MAK: variants seen among roughly 807,000 people sequenced by gnomAD.
The protein encoded by MAK is male germ cell associated kinase, also known as serine/threonine-protein kinase MAK.
A neutral mutation model predicts 82.6 loss-of-function variants in MAK; 65 were observed. That is an observed-to-expected ratio of 0.79 (90% CI 0.64 to 0.97). The LOEUF (loss-of-function observed/expected upper bound fraction) is 0.97, where lower values mean the gene tolerates loss of function less well. MAK is among the 50% of genes least tolerant of loss of function. MAK has a pLI of 0.00. For synonymous variants in MAK, 250 were observed against 274.2 expected, an observed-to-expected ratio of 0.91 and a Z score of 0.87; for missense variants, 703 against 780.2, an observed-to-expected ratio of 0.90 and a Z score of 1.18.
chr6:10,781,156 C>T (rs953448376), intron 11 of MAK, among the ~76,000 whole-genome samples: 3 of 152,170 alleles, frequency 2.0e-5, no homozygotes, highest in African/African-American at 7.2e-5. Context: ...CTCCTCTTCA[C>T]AGCCATCTAA....
At chr6:10,808,737 T>C (rs1466168996) in intron 6 of MAK, 73 bp downstream of exon 6, 1 of 1,400,648 alleles carries the variant, frequency 7.1e-7, no homozygotes, top group East Asian at 2.3e-5. Context: ...CTTCCAGAAA[T>C]ATGTAACAAT....
At position 10,796,163 on chromosome 6, in the gene MAK, A is replaced by C; in HGVS notation, c.978T>G (p.Asp326Glu). ...LVEVEPKPLP[D>E]IIDQVVGQPQ... ...GTTGTCCAACAACCTGATCGATTAT[A>C]TCCGGCAGAGGCTTAGGCTCTACCT... Residue 326 changes from aspartate (D) to glutamate (E), a missense_variant, in exon 9 of 15, where the codon GAT (aspartate) becomes GAG (glutamate). Coordinates refer to ENST00000354489, the MANE Select transcript of MAK (RefSeq NM_001242957.3). 1 of 1,614,174 alleles carries C rather than the reference A, an allele frequency of 6.2e-7. No homozygotes were observed. Among genetic ancestry groups the C allele is most frequent in the Non-Finnish European group, 8.5e-7 (1 of 1,180,036 alleles).
intron 2 of MAK, among the ~76,000 whole-genome samples, chr6:10,824,647 C>G (rs1581763598): frequency 6.6e-6 from 1 of 152,034 alleles, no homozygotes; most frequent in African/African-American, 2.4e-5. Flanking sequence ...AAAATGCTCC[C>G]AGCGGCTCCA....
intron 1 of MAK, among the ~76,000 whole-genome samples, chr6:10,833,339 T>C (rs1278329628): frequency 6.6e-6 from 1 of 152,172 alleles, no homozygotes; most frequent in Non-Finnish European, 1.5e-5. Context: ...GCGCCCTGGC[T>C]CATCCCTGTA....
chr6:10,792,066 G>A (rs1303364535), intron 9 of MAK, among the ~76,000 whole-genome samples: 1 of 152,188 alleles, frequency 6.6e-6, no homozygotes, highest in Non-Finnish European at 1.5e-5. Context: ...CTGTGAACTA[G>A]GTTGGTGAGA....
At chr6:10,802,693 G>T (rs1776113552) in intron 7 of MAK, among the ~76,000 whole-genome samples, 1 of 152,130 alleles carries the variant, frequency 6.6e-6, no homozygotes, top group Admixed American at 6.6e-5. Flanking sequence ...GAACAAATAA[G>T]GAAAAGTGCT....
chr6:10,790,353 G>A (rs571280384), intron 10 of MAK, among the ~76,000 whole-genome samples: 1 of 152,106 alleles, frequency 6.6e-6, no homozygotes, highest in East Asian at 1.9e-4. Context: ...ATAGCTACTT[G>A]TATAAGTTTT....
intron 12 of MAK, 59 bp downstream of exon 12, chr6:10,775,269 A>T: frequency 1.3e-6 from 2 of 1,588,892 alleles, no homozygotes; most frequent in Non-Finnish European, 1.7e-6. Flanking sequence ...CAATATATTT[A>T]AAAGTAGACC....
At chr6:10,808,067 C>G (rs1287607215) in intron 6 of MAK, among the ~76,000 whole-genome samples, 2 of 147,378 alleles carry the variant, frequency 1.4e-5, no homozygotes, top group Non-Finnish European at 3.0e-5. Context: ...AACTCCATCT[C>G]AAAAAAAAAA....
At chr6:10,770,969 G>A (rs767311778) in intron 13 of MAK, among the ~76,000 whole-genome samples, 1 of 152,110 alleles carries the variant, frequency 6.6e-6, no homozygotes, top group African/African-American at 2.4e-5. Context: ...TAGGGAAAGA[G>A]GGAAATATAA....
Position 10,800,100 on chromosome 6 carries a change from C to T in MAK, c.831+1792G>A, listed in dbSNP as rs1775897883. 6.6e-6 allele frequency among the ~76,000 whole-genome samples: 1 copy of T among 151,070 alleles called. No individual in the cohort carries two copies. Among genetic ancestry groups the T allele is most frequent in the South Asian group, 2.1e-4 (1 of 4,774 alleles). On this transcript the variant is annotated intron_variant, in intron 8 of 14. Transcript: ENST00000354489. The surrounding 1 kb of genome is among the most constrained non-coding windows in gnomAD (Gnocchi z 4.2). Reference sequence around the variant, plus strand: ...CTAAACAAAAAAACCCCTCTGGTCTCTACAAAAATACAAAAATAAGCCAAG... The same window carrying T: ...CTAAACAAAAAAACCCCTCTGGTCTTTACAAAAATACAAAAATAAGCCAAG...
rs755195964 is a variant in MAK at position 10,791,828 on chromosome 6, C to G, written c.1163G>C (p.Ser388Thr). 1.9e-6 allele frequency: 3 copies of G among 1,614,046 alleles called. No homozygotes were observed. The African/African-American group carries it at 4.0e-5, about 22-fold the overall frequency. The part of the protein sequence containing the change: ...NMPTKPNGTL[S>T]HKSGRRRWGQ... ...CCAACGCCTCCTACCACTTTTATGA[C>G]TCAGTGTGCCATTTGGCTTCTGTGG... The change falls in exon 10 of 15, where the codon AGT becomes ACT. Residue 388 changes from serine to threonine, a missense_variant. Transcript: ENST00000354489.
intron 10 of MAK, among the ~76,000 whole-genome samples, chr6:10,787,649 G>A (rs1774692962): frequency 1.3e-5 from 2 of 152,004 alleles, no homozygotes; most frequent in Non-Finnish European, 2.9e-5. Context: ...ACGAGGTCGG[G>A]AGATCGAGAC....
In MAK at chr6:10,808,905, A is replaced by T. The variant is rs747959498; in HGVS notation, c.396T>A (p.Leu132=). 6.2e-7 allele frequency: 1 copy of T among 1,613,976 alleles called. No homozygotes were observed. Among genetic ancestry groups the T allele is most frequent in the Non-Finnish European group, 8.5e-7 (1 of 1,179,876 alleles). Residue 132 remains leucine, a synonymous_variant, in exon 6 of 15, where the codon CTT becomes CTA. Coordinates refer to ENST00000354489, the MANE Select transcript of MAK (RefSeq NM_001242957.3). ...TTTTCACAAGCTCTGGACCCATACA[A>T]AGCAAGTTTTCTGGTTTCATGTCCC... ...FHRDMKPENL[L]CMGPELVKIA...
intron 2 of MAK, 33 bp from the exon 3 acceptor site, chr6:10,818,973 G>C: frequency 8.2e-7 from 1 of 1,218,518 alleles, no homozygotes; most frequent in Non-Finnish European, 1.2e-6. Flanking sequence ...TAGTGTTCAG[G>C]GATTGAGGAT....
At chr6:10,809,030 C>T (rs1776717991) in intron 5 of MAK, 88 bp from the exon 6 acceptor site, 1 of 1,164,182 alleles carries the variant, frequency 8.6e-7, no homozygotes, top group Non-Finnish European at 1.3e-6. Context: ...TATAAATGAA[C>T]CCCCTCTTTT....
In MAK at chr6:10,764,119, CTA is replaced by C. The variant is rs558307147; in HGVS notation, c.*331_*332del. Reference sequence around the variant, plus strand: ...TACAACAAATGAAAACTAAAACACTCTAAACATTTTCTGGAAGTTGTTTTTTT... The same window carrying C: ...TACAACAAATGAAAACTAAAACACTCAACATTTTCTGGAAGTTGTTTTTTT... On this transcript the variant is annotated 3_prime_UTR_variant, in exon 15 of 15. Transcript: ENST00000354489. 4.0e-6 allele frequency: 1 copy of C among 252,244 alleles called. No homozygotes were observed. Among genetic ancestry groups the C allele is most frequent in the South Asian group, 5.4e-5 (1 of 18,522 alleles). The allele number at this position is 252,244 out of a possible 1,614,324, so 15.6% of individuals were successfully genotyped here.
intron 5 of MAK, among the ~76,000 whole-genome samples, chr6:10,812,545 T>G (rs902314552): frequency 6.6e-6 from 1 of 152,062 alleles, no homozygotes; most frequent in Admixed American, 6.6e-5. Context: ...CACTGCTCCG[T>G]GGGTGCTACA....
chr6:10,799,655 G>A (rs1028658567), intron 8 of MAK, among the ~76,000 whole-genome samples: 2 of 152,184 alleles, frequency 1.3e-5, no homozygotes, highest in Non-Finnish European at 2.9e-5. Flanking sequence ...AAACGGCTGG[G>A]CACAGTGGTT....
Sources: gnomAD v4.1 joint callset for allele counts (sites outside exome capture counted in the v4.1 genomes callset) on GRCh38, gnomAD v4.1.1 for gene constraint, Gnocchi (gnomAD v3.1) non-coding constraint, MANE v1.5 for transcripts, NCBI Gene and HGNC (gene_info 2026-07-23, HGNC 2026-07-21) for gene names.